GHR: variants seen among roughly 807,000 people sequenced by gnomAD.
GHR encodes the protein GH receptor.
Under a neutral mutation model 67.1 loss-of-function variants are expected in GHR, and 35 were observed. The ratio of observed to expected loss-of-function variants is 0.52; its 90% confidence interval spans 0.40 to 0.69. GHR has a LOEUF of 0.69. Among genes scored for constraint, GHR ranks in the 30% least tolerant of loss-of-function variants. The pLI is 0.00. For missense variants in GHR, 792 were observed against 764.6 expected (o/e 1.04, Z -0.42); for synonymous variants, 272 against 269.1 (o/e 1.01, Z -0.10).
At chr5:42,572,328 C>T (rs189559861) in intron 2 of GHR, among the ~76,000 whole-genome samples, 5 of 152,222 alleles carry the variant, frequency 3.3e-5, no homozygotes, top group Admixed American at 1.3e-4. Flanking sequence ...GGTGCACCTT[C>T]GTCTTTTCCA....
chr5:42,595,108 A>G (rs1372515346), intron 2 of GHR, among the ~76,000 whole-genome samples: 1 of 152,204 alleles, frequency 6.6e-6, no homozygotes, highest in Non-Finnish European at 1.5e-5. Flanking sequence ...TACTAAAAAT[A>G]TATGAATTTA....
intron 2 of GHR, among the ~76,000 whole-genome samples, chr5:42,598,831 G>A (rs757203004): frequency 6.6e-6 from 1 of 152,086 alleles, no homozygotes; most frequent in Non-Finnish European, 1.5e-5. Flanking sequence ...TGCAAATTTG[G>A]AATACACACA....
intron 2 of GHR, among the ~76,000 whole-genome samples, chr5:42,579,606 G>A (rs1459534673): frequency 6.6e-6 from 1 of 152,162 alleles, no homozygotes; most frequent in East Asian, 1.9e-4. Context: ...ATGAATGCAT[G>A]GTCATATTTG....
chr5:42,693,429 G>A (rs1456310703), intron 4 of GHR, among the ~76,000 whole-genome samples: 2 of 151,900 alleles, frequency 1.3e-5, no homozygotes, highest in African/African-American at 2.4e-5. Flanking sequence ...ATGAACCACC[G>A]TACCCAGCCA....
At chr5:42,529,303 G>T (rs191716657) in intron 1 of GHR, among the ~76,000 whole-genome samples, 1 of 152,062 alleles carries the variant, frequency 6.6e-6, no homozygotes, top group South Asian at 2.1e-4. Flanking sequence ...GAGCCACCGC[G>T]CCTGGCCAGA....
chr5:42,465,254 C>G, intron 1 of GHR: 1 of 602,486 alleles, frequency 1.7e-6, no homozygotes, highest in South Asian at 2.2e-5. Flanking sequence ...TACATTTGGA[C>G]AGAAAGAATT....
chr5:42,520,894 G>A (rs1747443653), intron 1 of GHR, among the ~76,000 whole-genome samples: 2 of 152,142 alleles, frequency 1.3e-5, no homozygotes, highest in Admixed American at 6.5e-5. Context: ...AGTTACATAT[G>A]TGTCACCCCT....
At chr5:42,610,002 G>C (rs563042466) in intron 2 of GHR, among the ~76,000 whole-genome samples, 7 of 152,248 alleles carry the variant, frequency 4.6e-5, no homozygotes, top group South Asian at 2.1e-4. Context: ...GACAGCTAAG[G>C]CTCTCAGGAA....
intron 2 of GHR, among the ~76,000 whole-genome samples, chr5:42,577,217 C>T (rs1750797211): frequency 6.6e-6 from 1 of 152,066 alleles, no homozygotes; most frequent in African/African-American, 2.4e-5. Context: ...ACACAGTTTC[C>T]ACATGAGATT....
At chr5:42,662,664 A>G (rs1157233029) in intron 3 of GHR, among the ~76,000 whole-genome samples, 1 of 152,224 alleles carries the variant, frequency 6.6e-6, no homozygotes, top group Non-Finnish European at 1.5e-5. Flanking sequence ...GAAAGATCCA[A>G]AATTGACACC....
At chr5:42,692,120 A>G (rs1325067120) in intron 4 of GHR, among the ~76,000 whole-genome samples, 1 of 152,202 alleles carries the variant, frequency 6.6e-6, no homozygotes, top group East Asian at 1.9e-4. Flanking sequence ...ATCAGTAGGG[A>G]GAAAGGGCAT....
chr5:42,590,341 A>G (rs999725560), intron 2 of GHR, among the ~76,000 whole-genome samples: 1 of 152,188 alleles, frequency 6.6e-6, no homozygotes, highest in Non-Finnish European at 1.5e-5. Context: ...TAAGGATTAA[A>G]ATCAGGAGGG....
At chr5:42,677,307 G>C (rs1252385943) in intron 3 of GHR, among the ~76,000 whole-genome samples, 1 of 152,122 alleles carries the variant, frequency 6.6e-6, no homozygotes, top group African/African-American at 2.4e-5. Context: ...GTATCAAGTA[G>C]CATCCTGAAT....
chr5:42,584,502 C>T (rs1207725208), intron 2 of GHR, among the ~76,000 whole-genome samples: 1 of 152,128 alleles, frequency 6.6e-6, no homozygotes, highest in Non-Finnish European at 1.5e-5. Context: ...GGGCAGAACT[C>T]GTACTCCAAA....
chr5:42,628,906 G>C lies in GHR; in HGVS notation c.71-132G>C, dbSNP rs1038757368. ...CATTGTGGCCAGGAACCTTTCTCTG[G>C]AGTCCCCTTGGCCAAGAAGGGGTCC... On this transcript the variant is annotated intron_variant, in intron 2 of 9. Transcript: ENST00000230882. The C allele has an allele frequency of 1.4e-5, 9 of 646,720 alleles. 2 individuals carry two copies. Among genetic ancestry groups the C allele is most frequent in the Non-Finnish European group, 2.3e-5 (8 of 353,746 alleles). 40.1% of individuals were successfully genotyped at this position (646,720 alleles called of 1,614,324 possible).
intron 1 of GHR, among the ~76,000 whole-genome samples, chr5:42,485,043 T>C (rs1745814253): frequency 6.6e-6 from 1 of 152,186 alleles, no homozygotes; most frequent in African/African-American, 2.4e-5. Context: ...ATGAACTACA[T>C]ACTGAAAAAT....
At position 42,483,011 on chromosome 5, in the gene GHR, G is replaced by T. The variant is rs984343794; in HGVS notation, c.-12+59056G>T. Among the ~76,000 whole-genome samples, 7 of 151,900 alleles carry T rather than the reference G, an allele frequency of 4.6e-5. No homozygotes were observed. The South Asian group carries it at 6.2e-4, about 14-fold the overall frequency. ...TGTAGACTGGAGCTATTCCTATTTGGCCATCTTGGCTCCTCCCCCAGATCA... is the reference window on the plus strand; with the variant it reads ...TGTAGACTGGAGCTATTCCTATTTGTCCATCTTGGCTCCTCCCCCAGATCA... On this transcript the variant is annotated intron_variant, in intron 1 of 9. Transcript: ENST00000230882.
At chr5:42,580,398 A>C (rs1190262476) in intron 2 of GHR, among the ~76,000 whole-genome samples, 1 of 152,132 alleles carries the variant, frequency 6.6e-6, no homozygotes, top group African/African-American at 2.4e-5. Flanking sequence ...TAGGCTACAA[A>C]AATAATAAAT....
chr5:42,437,177 T>A (rs1743363517), intron 1 of GHR, among the ~76,000 whole-genome samples: 2 of 152,208 alleles, frequency 1.3e-5, no homozygotes, highest in South Asian at 4.1e-4. Flanking sequence ...CAAAAGGTAA[T>A]CCCTTTAGAG....
Sources: gnomAD v4.1 joint callset for allele counts (sites outside exome capture counted in the v4.1 genomes callset) on GRCh38, gnomAD v4.1.1 for gene constraint, MANE v1.5 for transcripts, NCBI Gene and HGNC (gene_info 2026-07-23, HGNC 2026-07-21) for gene names.